Variants in RAF1 observed in about 807,000 individuals in gnomAD.
RAF1 encodes Raf-1 proto-oncogene, serine/threonine kinase.
Under a neutral mutation model 81.1 loss-of-function variants are expected in RAF1, and 27 were observed. The observed-to-expected ratio is 0.33, with a 90% CI of 0.25 to 0.46. The LOEUF (loss-of-function observed/expected upper bound fraction) is 0.46. RAF1 is among the 20% of genes least tolerant of loss of function. The pLI is 1.00. For missense variants in RAF1, 598 were observed against 826.0 expected, an observed-to-expected ratio of 0.72 and a Z score of 3.38; for synonymous variants, 298 against 294.0, an observed-to-expected ratio of 1.01 and a Z score of -0.14.
chr3:12,637,346 C>CT (rs1451341831), intron 1 of RAF1, among the ~76,000 whole-genome samples: 1 of 43,624 alleles, frequency 2.3e-5, no homozygotes, highest in Non-Finnish European at 3.5e-5. Context: ...CTTCTATTAA[C>CT]ATTTTTTTTT....
intron 1 of RAF1, among the ~76,000 whole-genome samples, chr3:12,658,029 T>C (rs2060755580): frequency 6.6e-6 from 1 of 152,216 alleles, no homozygotes; most frequent in South Asian, 2.1e-4. Flanking sequence ...GCATGGTTTC[T>C]TTTACTTAAT....
intron 5 of RAF1, among the ~76,000 whole-genome samples, chr3:12,607,707 C>T (rs1433674406): frequency 6.6e-6 from 1 of 150,460 alleles, no homozygotes; most frequent in African/African-American, 2.4e-5. Context: ...AATCCCAGCA[C>T]TTTGGGAGGC....
chr3:12,661,687 A>G (rs1470282381), intron 1 of RAF1, among the ~76,000 whole-genome samples: 1 of 152,146 alleles, frequency 6.6e-6, no homozygotes, highest in Non-Finnish European at 1.5e-5. Context: ...TGGGCAACAG[A>G]GTGAGACTCC....
chr3:12,606,363 T>C, intron 5 of RAF1, 64 bp from the exon 6 acceptor site: 6 of 1,279,128 alleles, frequency 4.7e-6, no homozygotes, highest in Admixed American at 1.9e-5. Flanking sequence ...ACAATCAGCA[T>C]GCCTTGCTTT....
In RAF1 at chr3:12,590,560, A is replaced by G. The variant is rs183757020; in HGVS notation, c.1430+238T>C. On this transcript the variant is annotated intron_variant, in intron 13 of 17. Coordinates refer to ENST00000442415, the MANE Select transcript of RAF1 (RefSeq NM_001354689.3). ...GGCTGGTCTCAAAACTACTGGCCTC[A>G]AGTGATCCACTGGCCTTGGCCTCCC... The G allele has an allele frequency of 2.4e-5, 13 of 535,084 alleles. No homozygotes were observed. The East Asian group carries it at 4.3e-4, about 18-fold the overall frequency. The allele number at this position is 535,084 out of a possible 1,614,324, so 33.1% of individuals were successfully genotyped here. A position where few individuals can be genotyped will look rare whatever the true frequency, so the allele number is the denominator to read the frequency against.
At chr3:12,606,010 T>C (rs911664727) in intron 6 of RAF1, among the ~76,000 whole-genome samples, 191 bp downstream of exon 6, 13 of 147,912 alleles carry the variant, frequency 8.8e-5, no homozygotes, top group African/African-American at 2.8e-4. Flanking sequence ...TTCCAGAATG[T>C]AAGACCTACA....
At chr3:12,591,904 C>T (rs1009682379) in intron 11 of RAF1, 112 bp from the exon 11 acceptor site, 2 of 861,840 alleles carry the variant, frequency 2.3e-6, no homozygotes, top group Admixed American at 4.0e-5. Flanking sequence ...CACATACCTA[C>T]ACAGATACGG....
Position 12,611,849 on chromosome 3 carries a change from A to G in RAF1, c.320+101T>C, listed in dbSNP as rs1053259528. 5 of 866,554 alleles carry G rather than the reference A, an allele frequency of 5.8e-6. No individual in the cohort carries two copies. In the African/African-American group the frequency reaches 8.3e-5, roughly 14 times the overall value. 53.7% of individuals were successfully genotyped at this position (866,554 alleles called of 1,614,324 possible). On this transcript the variant is annotated intron_variant, in intron 3 of 17. Transcript: ENST00000442415. ...ATAAAGAAAGGTATAGAAATATACA[A>G]TATTCTATAGGAAGCTAGTACAATT... is the stretch of plus-strand genomic sequence containing the variant.
chr3:12,591,036 C>CT, intron 12 of RAF1, 62 bp from the exon 12 acceptor site: 2 of 1,473,800 alleles, frequency 1.4e-6, no homozygotes, highest in Non-Finnish European at 1.9e-6. Flanking sequence ...GTCTACTGTG[C>CT]TTTCCCGTGG....
intron 1 of RAF1, among the ~76,000 whole-genome samples, chr3:12,630,477 T>C (rs569286838): frequency 3.9e-5 from 6 of 152,198 alleles, no homozygotes; most frequent in African/African-American, 1.4e-4. Context: ...TGATAAGTGC[T>C]GGGGAAAGGG....
At position 12,584,892 on chromosome 3, in the gene RAF1, A is replaced by G; in HGVS notation, c.1818T>C (p.Ala606=). 1 of 1,614,166 alleles carries G rather than the reference A, an allele frequency of 6.2e-7. No individual in the cohort carries two copies. The highest frequency in any genetic ancestry group is 8.5e-7 in the Non-Finnish European group (1 of 1,180,030). The change falls in exon 17 of 18, where the codon GCT becomes GCC. Residue 606 remains alanine (A), a synonymous_variant. Transcript: ENST00000442415. ...CTTCCTTTACTTTCTTCACACAGTC[A>G]GCTACCAGCCTCTTCATTGCTTTGG...
intron 13 of RAF1, chr3:12,588,770 T>C (rs1169494323): frequency 6.6e-6 from 1 of 152,154 alleles, no homozygotes; most frequent in East Asian, 1.9e-4. Context: ...TAACCTCTAA[T>C]GGGTATATTG....
chr3:12,592,636 C>T (rs1189508737), intron 11 of RAF1, among the ~76,000 whole-genome samples: 4 of 151,932 alleles, frequency 2.6e-5, no homozygotes, highest in African/African-American at 9.7e-5. Context: ...ACACTGACAA[C>T]TGATTGTCAA....
At chr3:12,635,637 CAAAAAAAAA>C (rs34576938) in intron 1 of RAF1, among the ~76,000 whole-genome samples, 7 of 73,276 alleles carry the variant, frequency 9.6e-5, no homozygotes, top group East Asian at 3.9e-4. Context: ...ACTCCAGCTC[CAAAAAAAAA>C]AAAAAAAAAA....
At chr3:12,594,124 A>G (rs9852128) in intron 11 of RAF1, among the ~76,000 whole-genome samples, 38,521 of 151,980 alleles carry the variant, frequency 0.25, 5,405 homozygotes, top group African/African-American at 0.37. Flanking sequence ...AAAGAGGGAG[A>G]CCAGAGAGGA....
intron 8 of RAF1, chr3:12,603,445 C>T (rs748882491): frequency 1.0e-5 from 7 of 680,702 alleles, no homozygotes; most frequent in African/African-American, 1.8e-5. Flanking sequence ...CTGTTAATTA[C>T]AAGAAAGCAA....
intron 1 of RAF1, among the ~76,000 whole-genome samples, chr3:12,619,604 C>G (rs924951166): frequency 1.3e-5 from 2 of 150,476 alleles, no homozygotes; most frequent in Non-Finnish European, 3.0e-5. Context: ...AACATGAGCC[C>G]AGGTCTCAAG....
chr3:12,595,483 G>A (rs929404517), intron 11 of RAF1, among the ~76,000 whole-genome samples: 2 of 152,020 alleles, frequency 1.3e-5, no homozygotes, highest in Non-Finnish European at 2.9e-5. Context: ...ACCTCCTAAA[G>A]GTCTCGTACA....
intron 11 of RAF1, among the ~76,000 whole-genome samples, chr3:12,594,097 G>C (rs1169288188): frequency 6.6e-6 from 1 of 152,100 alleles, no homozygotes; most frequent in Non-Finnish European, 1.5e-5. Context: ...GGTAGGATTT[G>C]GACACCTGTA....
Sources: gnomAD v4.1 joint callset for allele counts (sites outside exome capture counted in the v4.1 genomes callset) on GRCh38, gnomAD v4.1.1 for gene constraint, MANE v1.5 for transcripts, NCBI Gene and HGNC (gene_info 2026-07-23, HGNC 2026-07-21) for gene names.